Variants in ADAMTS18 observed in about 807,000 individuals in gnomAD.
The protein encoded by ADAMTS18 is A disintegrin and metalloproteinase with thrombospondin motifs 18.
Under a neutral mutation model 165.9 loss-of-function variants are expected in ADAMTS18, and 157 were observed. The observed-to-expected ratio is 0.95, with a 90% confidence interval of 0.83 to 1.08. The LOEUF (loss-of-function observed/expected upper bound fraction) is 1.08. ADAMTS18 is among the 50% of genes least tolerant of loss of function. ADAMTS18 has a pLI of 0.00. For synonymous variants in ADAMTS18, 782 were observed against 578.2 expected, an observed-to-expected ratio of 1.35 and a Z score of -5.06; for missense variants, 2,040 against 1,534.0, an observed-to-expected ratio of 1.33 and a Z score of -5.51.
chr16:77,374,017 T>C (rs114117554), intron 3 of ADAMTS18, among the ~76,000 whole-genome samples: 2,314 of 152,138 alleles, frequency 0.015, 52 homozygotes, highest in African/African-American at 0.053. Context: ...TCAGGAGTTA[T>C]AGACCAGCCT....
chr16:77,418,673 A>G (rs2057561390), intron 3 of ADAMTS18, among the ~76,000 whole-genome samples: 1 of 152,208 alleles, frequency 6.6e-6, no homozygotes, highest in African/African-American at 2.4e-5. Flanking sequence ...TATCTAAGAA[A>G]ACTTGCTTCT....
chr16:77,323,160 A>C (rs1266409315), intron 13 of ADAMTS18, among the ~76,000 whole-genome samples: 3 of 152,226 alleles, frequency 2.0e-5, no homozygotes, highest in African/African-American at 7.2e-5. Context: ...TCTTGTTATC[A>C]GAAAGGAGTT....
chr16:77,346,823 T>C (rs545014126), intron 10 of ADAMTS18, among the ~76,000 whole-genome samples: 1 of 152,302 alleles, frequency 6.6e-6, no homozygotes, highest in African/African-American at 2.4e-5. Context: ...TTTACAGAGG[T>C]ATGATTTATA....
chr16:77,285,618 A>C (rs1399947361), intron 22 of ADAMTS18, among the ~76,000 whole-genome samples: 5 of 152,192 alleles, frequency 3.3e-5, no homozygotes, highest in East Asian at 1.9e-4. Flanking sequence ...TCATGTAAGT[A>C]AGTCAGGCAG....
intron 3 of ADAMTS18, among the ~76,000 whole-genome samples, chr16:77,422,734 T>G (rs181369619): frequency 6.6e-6 from 1 of 152,254 alleles, no homozygotes; most frequent in African/African-American, 2.4e-5. Context: ...ATGCTTAACA[T>G]AGCCTGAGAT....
intron 3 of ADAMTS18, among the ~76,000 whole-genome samples, chr16:77,420,002 T>TAAAAA (rs34486248): frequency 0.11 from 9,816 of 90,934 alleles, 659 homozygotes; most frequent in Middle Eastern, 0.17. Context: ...TGTCGCAGAT[T>TAAAAA]AAAAAAAAAA....
At chr16:77,411,468 T>C (rs1425062983) in intron 3 of ADAMTS18, among the ~76,000 whole-genome samples, 3 of 152,104 alleles carry the variant, frequency 2.0e-5, no homozygotes, top group East Asian at 1.9e-4. Flanking sequence ...TATTTAATAA[T>C]AGATCATTAT....
In ADAMTS18 at chr16:77,356,187, C is replaced by T. The variant is rs1020851764; in HGVS notation, c.1323-110G>A. On this transcript the variant is annotated intron_variant, in intron 8 of 22. Transcript: ENST00000282849. Reference sequence around the variant, plus strand: ...ATCATCAACAAAACCAAGTGAGAGACAGAGTTATTAAAACTGGAAAAGAGA... The same window carrying T: ...ATCATCAACAAAACCAAGTGAGAGATAGAGTTATTAAAACTGGAAAAGAGA... The T allele has an allele frequency of 7.0e-6, 10 of 1,421,818 alleles. No homozygotes were observed. In the African/African-American group the frequency reaches 1.4e-4, roughly 20 times the overall value. 88.1% of individuals were successfully genotyped at this position (1,421,818 alleles called of 1,614,324 possible).
intron 3 of ADAMTS18, among the ~76,000 whole-genome samples, chr16:77,400,836 A>G (rs1043092827): frequency 2.0e-5 from 3 of 152,016 alleles, no homozygotes; most frequent in Non-Finnish European, 4.4e-5. Context: ...TCCTCTAGAA[A>G]GCATTCTTAT....
In ADAMTS18 at chr16:77,282,903, TCTC is replaced by T. The variant is rs1179531065; in HGVS notation, c.*1050_*1052del. The T allele has an allele frequency of 1.2e-5, 1 of 83,084 alleles. No homozygotes were observed. Among genetic ancestry groups the T allele is most frequent in the Admixed American group, 1.2e-4 (1 of 8,292 alleles). 5.1% of individuals were successfully genotyped at this position (83,084 alleles called of 1,614,324 possible). On this transcript the variant is annotated 3_prime_UTR_variant, in exon 23 of 23. Transcript: ENST00000282849. ...TTACCACTGTTTACTCCTTTCTTTC[TCTC>T]TTTTTTTTTTTTTTTTTTTTGCTGT...
intron 3 of ADAMTS18, among the ~76,000 whole-genome samples, chr16:77,387,548 T>C (rs956153265): frequency 6.6e-6 from 1 of 152,182 alleles, no homozygotes; most frequent in African/African-American, 2.4e-5. Context: ...TGCAAATTAC[T>C]CCATATCCCT....
At position 77,364,298 on chromosome 16, in the gene ADAMTS18, T is replaced by G. The variant is rs768764561; in HGVS notation, c.862A>C (p.Lys288Gln). The G allele has an allele frequency of 6.2e-7, 1 of 1,614,002 alleles. No individual in the cohort carries two copies. Among genetic ancestry groups the G allele is most frequent in the Non-Finnish European group, 8.5e-7 (1 of 1,180,000 alleles). ...SSGRPRRSAG[K>Q]SQKGLNVETL... Reference sequence around the variant, plus strand: ...TCCACATTGAGGCCCTTTTGTGATTTTCCAGCTGATCTTCTGGGTCGCCCA... The same window carrying G: ...TCCACATTGAGGCCCTTTTGTGATTGTCCAGCTGATCTTCTGGGTCGCCCA... Residue 288 changes from lysine to glutamine, a missense_variant, in exon 5 of 23, where the codon AAA (lysine) becomes CAA (glutamine). Transcript: ENST00000282849.
chr16:77,353,279 C>G (rs1005357742), intron 10 of ADAMTS18, among the ~76,000 whole-genome samples: 3 of 152,096 alleles, frequency 2.0e-5, no homozygotes, highest in East Asian at 3.9e-4. Flanking sequence ...ATTAATATTA[C>G]TAAAGATGTA....
intron 3 of ADAMTS18, among the ~76,000 whole-genome samples, chr16:77,404,380 T>C (rs2057368863): frequency 6.6e-6 from 1 of 152,092 alleles, no homozygotes; most frequent in African/African-American, 2.4e-5. Flanking sequence ...AGATTTTGAG[T>C]GCAAACCTCA....
intron 12 of ADAMTS18, among the ~76,000 whole-genome samples, chr16:77,326,588 G>A (rs2056099610): frequency 6.6e-6 from 1 of 152,110 alleles, no homozygotes; most frequent in African/African-American, 2.4e-5. Flanking sequence ...TCGCCATGTT[G>A]CCCAGGCCAG....
intron 16 of ADAMTS18, among the ~76,000 whole-genome samples, chr16:77,308,529 T>C (rs1330397279): frequency 6.6e-6 from 1 of 151,210 alleles, no homozygotes; most frequent in East Asian, 2.0e-4. Flanking sequence ...TCATCTCTAG[T>C]CACTTCTAGA....
intron 11 of ADAMTS18, among the ~76,000 whole-genome samples, chr16:77,339,519 T>C (rs1008596899): frequency 1.3e-5 from 2 of 152,058 alleles, no homozygotes; most frequent in Admixed American, 6.6e-5. Context: ...ACCTAGGTGA[T>C]GTATCACTTA....
At chr16:77,329,015 T>G (rs986281441) in intron 12 of ADAMTS18, among the ~76,000 whole-genome samples, 8 of 152,242 alleles carry the variant, frequency 5.3e-5, no homozygotes, top group Non-Finnish European at 7.3e-5. Context: ...ACTGAGTTCT[T>G]AGGCCATGGG....
intron 4 of ADAMTS18, 48 bp downstream of exon 4, chr16:77,367,393 T>C: frequency 6.2e-7 from 1 of 1,611,816 alleles, no homozygotes. Flanking sequence ...CAGGAAAACC[T>C]GTCGAGGCCC....
Sources: allele counts gnomAD v4.1 joint callset (sites outside exome capture counted in the v4.1 genomes callset), GRCh38; gene constraint gnomAD v4.1.1; transcripts MANE v1.5; gene names NCBI Gene and HGNC (gene_info 2026-07-23, HGNC 2026-07-21).